HPS3: variants seen among roughly 807,000 people sequenced by gnomAD.
HPS3 encodes HPS3 biogenesis of lysosomal organelles complex 2 subunit 1.
In HPS3, 79 loss-of-function variants were observed where a neutral mutation model predicts 110.9. That is an observed-to-expected ratio of 0.71 (90% CI 0.59 to 0.86). HPS3 has a LOEUF of 0.86. HPS3 is among the 40% of genes least tolerant of loss of function. The pLI, the probability that HPS3 is intolerant of heterozygous loss-of-function variation, is 0.00. For synonymous variants in HPS3, 428 were observed against 451.0 expected (o/e 0.95, Z 0.65); for missense variants, 1,197 against 1,206.2 (o/e 0.99, Z 0.11).
intron 14 of HPS3, chr3:149,165,840 C>G (rs1724358955): frequency 1.1e-5 from 4 of 352,674 alleles, no homozygotes; most frequent in Non-Finnish European, 1.1e-5. Flanking sequence ...GTTGGGAGAC[C>G]TTTTGAGTGA....
chr3:149,160,397 G>T, intron 11 of HPS3, 118 bp downstream of exon 11: 1 of 731,102 alleles, frequency 1.4e-6, no homozygotes. Flanking sequence ...ATGGAAAACA[G>T]ACAATATTAG....
chr3:149,138,999 A>C (rs1005666034), intron 1 of HPS3, among the ~76,000 whole-genome samples: 1 of 152,228 alleles, frequency 6.6e-6, no homozygotes, highest in Admixed American at 6.5e-5. Flanking sequence ...CTTTGGCCCA[A>C]CATATCTCAC....
intron 1 of HPS3, chr3:149,130,554 G>A (rs1449017701): frequency 1.3e-5 from 2 of 153,008 alleles, no homozygotes; most frequent in African/African-American, 2.4e-5. Context: ...GGCTGAGGCA[G>A]GCGGATCACG....
intron 5 of HPS3, among the ~76,000 whole-genome samples, 194 bp downstream of exon 5, chr3:149,145,740 CTTTG>C (rs1722750162): frequency 6.6e-6 from 1 of 152,190 alleles, no homozygotes; most frequent in Admixed American, 6.5e-5. Flanking sequence ...CTGGTTTTGT[CTTTG>C]TTTGTTTCCC....
chr3:149,159,863 A>G (rs768271743), intron 10 of HPS3, among the ~76,000 whole-genome samples, 183 bp from the exon 11 acceptor site: 26 of 152,180 alleles, frequency 1.7e-4, no homozygotes, highest in Non-Finnish European at 3.8e-4. Context: ...ACTTCAGGTT[A>G]TCTCAGGCCT....
intron 5 of HPS3, 80 bp from the exon 6 acceptor site, chr3:149,150,519 T>A (rs982710255): frequency 9.4e-7 from 1 of 1,068,622 alleles, no homozygotes. Flanking sequence ...ATTGCCCTGT[T>A]TGCCTGTGAA....
intron 1 of HPS3, among the ~76,000 whole-genome samples, chr3:149,136,476 C>G (rs2108122780): frequency 6.6e-6 from 1 of 152,304 alleles, no homozygotes; most frequent in East Asian, 1.9e-4. Flanking sequence ...TATTTCCCTT[C>G]TATCAGTTGG....
Position 149,145,399 on chromosome 3 carries a change from T to C in HPS3, c.1016T>C (p.Leu339Ser), listed in dbSNP as rs1373091328. The change falls in exon 5 of 17, where the codon TTG becomes TCG. Residue 339 changes from leucine to serine, a missense_variant. Transcript: ENST00000296051. ...DGKNLSQEKELLSLFCFFSLP... is the reference protein window; with the variant it reads ...DGKNLSQEKESLSLFCFFSLP... ...AAAAATTTGTCTCAGGAAAAAGAAT[T>C]GCTGAGTCTCTTTTGCTTTTTCTCC... 6 of 1,614,004 alleles carry C rather than the reference T, an allele frequency of 3.7e-6. No homozygotes were observed. The highest frequency in any genetic ancestry group is 3.3e-5 in the Admixed American group (2 of 60,006).
chr3:149,165,828 A>T (rs1217219090), intron 14 of HPS3: 1 of 344,936 alleles, frequency 2.9e-6, no homozygotes. Flanking sequence ...ATTTTCTCCC[A>T]TGTTGGGAGA....
rs10718838 is a variant in HPS3 at position 149,141,531 on chromosome 3, GTTT to G, written c.970+170_970+172del. 540 of 381,544 alleles carry G rather than the reference GTTT, an allele frequency of 1.4e-3. 1 individual carries two copies. The highest frequency in any genetic ancestry group is 8.0e-3 in the Admixed American group (171 of 21,280). 23.6% of individuals were successfully genotyped at this position (381,544 alleles called of 1,614,324 possible). On this transcript the variant is annotated intron_variant, in intron 4 of 16. Coordinates refer to ENST00000296051, the MANE Select transcript of HPS3 (RefSeq NM_032383.5). ...GCCCTTTAACAAAGTTTTTTTTTTT[GTTT>G]TTTTTTTTTTTTTTTTTTGAGACTG...
chr3:149,134,120 G>A (rs1721935570), intron 1 of HPS3, among the ~76,000 whole-genome samples: 1 of 151,844 alleles, frequency 6.6e-6, no homozygotes, highest in South Asian at 2.1e-4. Flanking sequence ...TTTTGTTTTT[G>A]CCTAATGACA....
chr3:149,151,059 G>A (rs1295511014), intron 6 of HPS3, among the ~76,000 whole-genome samples: 1 of 151,912 alleles, frequency 6.6e-6, no homozygotes, highest in Non-Finnish European at 1.5e-5. Context: ...CCAGGCTGGA[G>A]GGCAGTGGCA....
chr3:149,137,643 C>G (rs1321154306), intron 1 of HPS3, among the ~76,000 whole-genome samples: 1 of 152,044 alleles, frequency 6.6e-6, no homozygotes, highest in Non-Finnish European at 1.5e-5. Context: ...ATTATTTGGC[C>G]TTAATGAAAT....
chr3:149,133,958 A>G (rs557762727), intron 1 of HPS3, among the ~76,000 whole-genome samples: 9 of 151,962 alleles, frequency 5.9e-5, no homozygotes, highest in African/African-American at 2.2e-4. Context: ...CAATCCTCCA[A>G]TATCTCTGGG....
At chr3:149,146,596 C>A (rs1464852296) in intron 5 of HPS3, among the ~76,000 whole-genome samples, 1 of 152,242 alleles carries the variant, frequency 6.6e-6, no homozygotes, top group African/African-American at 2.4e-5. Flanking sequence ...GTATCACAAT[C>A]TCTAGCAGGT....
intron 4 of HPS3, among the ~76,000 whole-genome samples, chr3:149,143,255 C>T (rs1419055260): frequency 6.6e-6 from 1 of 152,188 alleles, no homozygotes; most frequent in Non-Finnish European, 1.5e-5. Context: ...GTGGCCTTTC[C>T]CTCTTCCTTA....
At chr3:149,166,915 G>A (rs1724481863) in intron 14 of HPS3, 119 bp from the exon 15 acceptor site, 1 of 783,958 alleles carries the variant, frequency 1.3e-6, no homozygotes, top group Non-Finnish European at 2.3e-6. Context: ...CTCTAATATG[G>A]CATTCTTTCT....
rs1180676335 is a variant in HPS3, at chr3:149,157,469, GA to G, written c.1631del (p.Lys544ArgfsTer52). On this transcript the variant is annotated frameshift_variant, in exon 9 of 17. Transcript: ENST00000296051. LOFTEE classifies it high-confidence loss of function. ...MDASQLEPGE[K>X]AELLEAFKES... is the part of the protein sequence containing the mutation. ...ATGCCAGTCAGCTGGAACCTGGAGA[GA>G]AGGCAGAGCTTTTGGAAGCATTTAA... The G allele has an allele frequency of 6.2e-7, 1 of 1,613,824 alleles. No homozygotes were observed. Among genetic ancestry groups the G allele is most frequent in the East Asian group, 2.2e-5 (1 of 44,888 alleles).
At chr3:149,160,598 A>G (rs1723735454) in intron 11 of HPS3, among the ~76,000 whole-genome samples, 1 of 152,226 alleles carries the variant, frequency 6.6e-6, no homozygotes, top group African/African-American at 2.4e-5. Flanking sequence ...TGGTGTGTGC[A>G]CTGGAAAAGC....
Sources: allele counts gnomAD v4.1 joint callset (sites outside exome capture counted in the v4.1 genomes callset), GRCh38; gene constraint gnomAD v4.1.1; transcripts MANE v1.5; gene names NCBI Gene and HGNC (gene_info 2026-07-23, HGNC 2026-07-21).